CXADR: variants seen among roughly 807,000 people sequenced by gnomAD.
The protein encoded by CXADR is coxsackievirus and adenovirus receptor.
A neutral mutation model predicts 40.3 loss-of-function variants in CXADR; 20 were observed. The ratio of observed to expected loss-of-function variants is 0.50; its 90% CI spans 0.35 to 0.72. The LOEUF is 0.72. Among genes scored for constraint, CXADR ranks in the 30% least tolerant of loss-of-function variants. The pLI is 0.01. For missense variants in CXADR, 332 were observed against 449.1 expected (o/e 0.74, Z 2.36); for synonymous variants, 150 against 161.3 (o/e 0.93, Z 0.53).
At chr21:17,580,249 T>A (rs768994444) in intron 7 of CXADR, among the ~76,000 whole-genome samples, 2 of 152,226 alleles carry the variant, frequency 1.3e-5, no homozygotes, top group Non-Finnish European at 2.9e-5. Flanking sequence ...GCGAAAACTC[T>A]CACTTCTGGG....
downstream of CXADR, among the ~76,000 whole-genome samples, chr21:17,574,129 A>T (rs186599301): frequency 1.1e-3 from 162 of 152,344 alleles, 1 homozygote; most frequent in African/African-American, 3.8e-3. Context: ...AAGGTGATGC[A>T]CAAAGTATAG....
intron 1 of CXADR, among the ~76,000 whole-genome samples, chr21:17,527,507 T>A (rs1313790446): frequency 3.9e-5 from 6 of 152,236 alleles, no homozygotes; most frequent in African/African-American, 1.4e-4. Context: ...ATTGTAATAG[T>A]TGCTTCAGGA....
chr21:17,551,944 G>A lies in CXADR; in HGVS notation c.406G>A (p.Val136Ile). 1 of 1,612,184 alleles carries A rather than the reference G, an allele frequency of 6.2e-7. No individual in the cohort carries two copies. Among genetic ancestry groups the A allele is most frequent in the African/African-American group, 1.3e-5 (1 of 74,964 alleles). ...TGTTGCAAATAAGAAGATTCATCTGGTAGTTCTTGGTAAGTTATTTTTATT... is the reference window on the plus strand; with the variant it reads ...TGTTGCAAATAAGAAGATTCATCTGATAGTTCTTGGTAAGTTATTTTTATT... ...PGVANKKIHL[V>I]VLVKPSGARC... Residue 136 changes from valine to isoleucine, a missense_variant, in exon 3 of 7, where the codon GTA becomes ATA. Around this residue, in one of 3 missense-constraint regions of CXADR, gnomAD observed 162 missense variants for 198.5 expected, o/e 0.82. Coordinates refer to ENST00000284878, the MANE Select transcript of CXADR (RefSeq NM_001338.5).
intron 1 of CXADR, among the ~76,000 whole-genome samples, chr21:17,531,434 CT>C (rs1271133970): frequency 2.0e-5 from 3 of 151,820 alleles, no homozygotes; most frequent in Non-Finnish European, 4.4e-5. Context: ...TTTTCTTATT[CT>C]TTTTGTTATG....
At chr21:17,618,933 C>A in the CXADR span, among the ~76,000 whole-genome samples, 1 of 152,166 alleles carries the variant, frequency 6.6e-6, no homozygotes, top group Non-Finnish European at 1.5e-5. Flanking sequence ...TGAAACAACA[C>A]TAATCTCCTT....
intron 1 of CXADR, among the ~76,000 whole-genome samples, chr21:17,517,281 C>T (rs1463922992): frequency 6.6e-6 from 1 of 152,160 alleles, no homozygotes; most frequent in East Asian, 1.9e-4. Flanking sequence ...ACCTCCAAGT[C>T]CTCTTAAAGG....
the CXADR span, among the ~76,000 whole-genome samples, chr21:17,619,773 T>C: frequency 3.0e-3 from 342 of 112,680 alleles, 15 homozygotes; most frequent in East Asian, 0.059. Context: ...TAGCTAGATC[T>C]TCTGGATAAA....
chr21:17,551,687 A>T, intron 2 of CXADR, 62 bp from the exon 3 acceptor site: 1 of 1,478,178 alleles, frequency 6.8e-7, no homozygotes, highest in Non-Finnish European at 9.2e-7. Context: ...GGGCTCCTTT[A>T]AGAGACAGTT....
At chr21:17,635,337 C>T in the CXADR span, among the ~76,000 whole-genome samples, 2 of 152,182 alleles carry the variant, frequency 1.3e-5, no homozygotes, top group Admixed American at 6.5e-5. Context: ...TAATTATAAA[C>T]ATCAAATATT....
downstream of CXADR, among the ~76,000 whole-genome samples, chr21:17,570,720 A>G (rs2061271174): frequency 6.6e-6 from 1 of 152,202 alleles, no homozygotes; most frequent in South Asian, 2.1e-4. Context: ...AATGTATATC[A>G]ACATGAGAAT....
chr21:17,537,849 A>G (rs2060778767), intron 1 of CXADR, among the ~76,000 whole-genome samples: 1 of 152,076 alleles, frequency 6.6e-6, no homozygotes, highest in Admixed American at 6.6e-5. Context: ...GCAGAGGGTG[A>G]GCGCAGTTTC....
chr21:17,543,065 T>C (rs772974014), intron 1 of CXADR: 8 of 346,398 alleles, frequency 2.3e-5, no homozygotes, highest in Admixed American at 3.7e-5. Flanking sequence ...TTAACCATTT[T>C]TTGAAAGAAA....
chr21:17,606,421 G>C, the CXADR span, among the ~76,000 whole-genome samples: 1 of 152,106 alleles, frequency 6.6e-6, no homozygotes, highest in East Asian at 1.9e-4. Flanking sequence ...TTATTTTCTA[G>C]TATGTAAAAT....
chr21:17,608,245 T>G, the CXADR span, among the ~76,000 whole-genome samples: 1 of 152,280 alleles, frequency 6.6e-6, no homozygotes, highest in South Asian at 2.1e-4. Context: ...TGTTGGCACA[T>G]GTCTATAATC....
intron 3 of CXADR, among the ~76,000 whole-genome samples, chr21:17,557,579 C>G (rs1479947247): frequency 6.6e-6 from 1 of 152,192 alleles, no homozygotes; most frequent in Admixed American, 6.5e-5. Flanking sequence ...TAGCCCCAAA[C>G]TGGAAACACA....
intron 1 of CXADR, among the ~76,000 whole-genome samples, chr21:17,530,799 G>A (rs933807055): frequency 6.6e-5 from 10 of 152,094 alleles, no homozygotes; most frequent in East Asian, 1.9e-4. Context: ...AGGCGACAGA[G>A]CGAGACTCAG....
At chr21:17,528,068 C>CTTTTTTTTTTTTTTT (rs35477813) in intron 1 of CXADR, among the ~76,000 whole-genome samples, 6 of 78,352 alleles carry the variant, frequency 7.7e-5, no homozygotes, top group Non-Finnish European at 9.1e-5. Context: ...TTAGTTCTTT[C>CTTTTTTTTTTTTTTT]TTTTTTTTTT....
the CXADR span, among the ~76,000 whole-genome samples, chr21:17,628,377 G>T: frequency 2.1e-4 from 32 of 152,284 alleles, no homozygotes; most frequent in African/African-American, 7.7e-4. Flanking sequence ...TTCTAGCCTG[G>T]GTCTGAAAGC....
chr21:17,633,497 G>A, the CXADR span, among the ~76,000 whole-genome samples: 2 of 152,180 alleles, frequency 1.3e-5, no homozygotes, highest in Admixed American at 6.5e-5. Flanking sequence ...GGAGGCTGCA[G>A]TGAGCTGTGA....
Sources: allele counts gnomAD v4.1 joint callset (sites outside exome capture counted in the v4.1 genomes callset), GRCh38; gene constraint gnomAD v4.1.1; regional missense constraint gnomAD v4.1.1; transcripts MANE v1.5; gene names NCBI Gene and HGNC (gene_info 2026-07-23, HGNC 2026-07-21).